The following MTRR variants were observed in gnomAD, a reference collection of about 807,000 sequenced individuals.
MTRR encodes the protein methionine synthase reductase.
Under a neutral mutation model 79.2 loss-of-function variants are expected in MTRR, and 63 were observed. The observed-to-expected ratio is 0.80, with a 90% CI of 0.65 to 0.98. The LOEUF is 0.98. MTRR is among the 50% of genes least tolerant of loss of function. MTRR has a pLI of 0.00. For missense variants in MTRR, 895 were observed against 839.6 expected (o/e 1.07, Z -0.82); for synonymous variants, 355 against 313.3 (o/e 1.13, Z -1.41).
chr5:7,899,853 TAAG>T (rs1288727995), intron 14 of MTRR, 58 bp from the exon 15 acceptor site: 1 of 1,594,148 alleles, frequency 6.3e-7, no homozygotes, highest in Non-Finnish European at 8.6e-7. Context: ...ACTTGTGAAT[TAAG>T]GAGGATTTAC....
In MTRR at chr5:7,897,224, G is replaced by A. The variant is rs1738688155; in HGVS notation, c.1929G>A (p.Glu643=). ...GQQVARILLQ[E]NGHIYVCGDA... is the part of the protein sequence containing the mutation. ...AGGTGGCGAGAATCCTCCTCCAGGA[G>A]AACGGCCATATTTATGTGTGTGGGT... is the stretch of plus-strand genomic sequence containing the variant. Residue 643 remains glutamate (E), a synonymous_variant, in exon 14 of 15, where the codon GAG becomes GAA. Coordinates refer to ENST00000440940, the MANE Select transcript of MTRR (RefSeq NM_002454.3). 6.2e-7 allele frequency: 1 copy of A among 1,614,098 alleles called. No homozygotes were observed. The highest frequency in any genetic ancestry group is 1.3e-5 in the African/African-American group (1 of 75,018).
At chr5:7,867,018 C>T, upstream of MTRR, 1 of 1,614,200 alleles carries the variant, frequency 6.2e-7, no homozygotes, top group Non-Finnish European at 8.5e-7. Context: ...ACACGATGCT[C>T]TAGGGCTTTT....
At chr5:7,881,420 C>T (rs915120916) in intron 5 of MTRR, among the ~76,000 whole-genome samples, 1 of 151,992 alleles carries the variant, frequency 6.6e-6, no homozygotes, top group South Asian at 2.1e-4. Context: ...GAGGTCCTTA[C>T]ACCATCCAGA....
chr5:7,869,437 G>T, intron 1 of MTRR: 1 of 572,644 alleles, frequency 1.7e-6, no homozygotes. Context: ...CTCGGCGTCG[G>T]CCTCTGCCGC....
intron 1 of MTRR, chr5:7,870,142 G>A (rs567989799): frequency 2.2e-6 from 2 of 910,000 alleles, no homozygotes; most frequent in East Asian, 1.2e-4. Flanking sequence ...ATATTTTTTC[G>A]TTATATGCAC....
At chr5:7,874,418 T>C (rs1465924034) in intron 3 of MTRR, among the ~76,000 whole-genome samples, 1 of 152,130 alleles carries the variant, frequency 6.6e-6, no homozygotes, top group Non-Finnish European at 1.5e-5. Flanking sequence ...TTTTATACTT[T>C]CTGTATTTTC....
chr5:7,886,450 T>C (rs1736451212), intron 7 of MTRR, 165 bp from the exon 8 acceptor site: 2 of 632,152 alleles, frequency 3.2e-6, no homozygotes, highest in East Asian at 5.6e-5. Context: ...TTTTTTACTG[T>C]ATTCATTTTG....
chr5:7,859,799 C>G (rs1281041338), intron 1 of MTRR, among the ~76,000 whole-genome samples: 1 of 152,140 alleles, frequency 6.6e-6, no homozygotes, highest in Non-Finnish European at 1.5e-5. Flanking sequence ...CTCTTGTTCT[C>G]CAGGAGTTCA....
At chr5:7,858,141 G>A (rs1353214023) in intron 1 of MTRR, among the ~76,000 whole-genome samples, 2 of 152,086 alleles carry the variant, frequency 1.3e-5, no homozygotes, top group African/African-American at 4.8e-5. Flanking sequence ...GCACAGTGAG[G>A]GTGGACCAGA....
intron 1 of MTRR, among the ~76,000 whole-genome samples, chr5:7,852,915 C>A (rs1279639638): frequency 3.3e-5 from 5 of 152,114 alleles, no homozygotes. Context: ...GGGAATTCAG[C>A]TAAAACTGAG....
intron 1 of MTRR, among the ~76,000 whole-genome samples, chr5:7,869,872 A>G (rs951760486): frequency 6.6e-6 from 1 of 152,198 alleles, no homozygotes; most frequent in African/African-American, 2.4e-5. Context: ...GTCAATGTGT[A>G]GTGTTTTCAT....
chr5:7,895,899 G>T (rs370230439), intron 12 of MTRR, 47 bp downstream of exon 12: 4 of 1,611,160 alleles, frequency 2.5e-6, no homozygotes, highest in Non-Finnish European at 3.4e-6. Context: ...CTGAGTAACC[G>T]TTTTTGTTTC....
At chr5:7,862,955 T>A (rs545216318) in intron 2 of MTRR, 2 of 1,613,892 alleles carry the variant, frequency 1.2e-6, no homozygotes, top group African/African-American at 2.7e-5. Flanking sequence ...CAGCATGGGG[T>A]AAGAAATGAC....
At chr5:7,852,182 G>A (rs1355234065) in intron 1 of MTRR, among the ~76,000 whole-genome samples, 1 of 152,158 alleles carries the variant, frequency 6.6e-6, no homozygotes, top group Non-Finnish European at 1.5e-5. Context: ...GATGGAAGGA[G>A]CAGTGCCCTG....
chr5:7,870,055 C>A (rs1747649800), intron 1 of MTRR: 1 of 985,388 alleles, frequency 1.0e-6, no homozygotes, highest in African/African-American at 1.7e-5. Flanking sequence ...GGAAAAAAAT[C>A]TGTGAGTGTC....
chr5:7,873,568 G>A (rs781339117), intron 3 of MTRR, 42 bp downstream of exon 3: 2 of 1,601,308 alleles, frequency 1.2e-6, no homozygotes, highest in Admixed American at 3.3e-5. Flanking sequence ...GTATACTATT[G>A]ATATCTCTGG....
At chr5:7,871,011 T>C in intron 2 of MTRR, 88 bp downstream of exon 2, 1 of 1,408,606 alleles carries the variant, frequency 7.1e-7, no homozygotes, top group East Asian at 2.3e-5. Flanking sequence ...AGGACACTAA[T>C]ACCACCACAT....
chr5:7,891,516 A>G (rs1237357807), intron 10 of MTRR, 102 bp downstream of exon 10: 3 of 977,620 alleles, frequency 3.1e-6, no homozygotes, highest in African/African-American at 3.2e-5. Context: ...GTGAAAACTT[A>G]CCTGCTTTAT....
chr5:7,885,868 T>A lies in MTRR; in HGVS notation c.1057+14T>A, dbSNP rs1360865561. On this transcript the variant is annotated intron_variant, in intron 7 of 14. Transcript: ENST00000440940. The stretch of plus-strand genomic sequence containing the variant: ...CAAAGAAGAAAGGTAACAGCCCTGA[T>A]GCTGTGACGTTGGGGTGTTGTGGGC... 1.2e-6 allele frequency: 2 copies of A among 1,613,902 alleles called. No individual in the cohort carries two copies. The highest frequency in any genetic ancestry group is 1.7e-6 in the Non-Finnish European group (2 of 1,179,960).
Sources: allele counts gnomAD v4.1 joint callset (sites outside exome capture counted in the v4.1 genomes callset), GRCh38; gene constraint gnomAD v4.1.1; transcripts MANE v1.5; gene names NCBI Gene and HGNC (gene_info 2026-07-23, HGNC 2026-07-21).